RBFOX1: variants seen among roughly 807,000 people sequenced by gnomAD.
RBFOX1 encodes the protein RNA binding protein fox-1 homolog 1.
In RBFOX1, 8 loss-of-function variants were observed where a neutral mutation model predicts 57.7. The observed-to-expected ratio is 0.14, with a 90% CI of 0.08 to 0.25. The LOEUF (loss-of-function observed/expected upper bound fraction) is 0.25. Among genes scored for constraint, RBFOX1 ranks in the 10% least tolerant of loss-of-function variants. The pLI is 1.00. For missense variants in RBFOX1, 611 were observed against 548.5 expected, an observed-to-expected ratio of 1.11 and a Z score of -1.14; for synonymous variants, 326 against 222.4, an observed-to-expected ratio of 1.47 and a Z score of -4.15.
chr16:6,869,040 A>G (rs960956392), intron 3 of RBFOX1, among the ~76,000 whole-genome samples: 7 of 152,218 alleles, frequency 4.6e-5, no homozygotes, highest in South Asian at 2.1e-4. Context: ...TGTATTGAGC[A>G]CATGGTACGA....
At chr16:5,787,146 T>A (rs914921754) in intron 3 of RBFOX1, among the ~76,000 whole-genome samples, 1 of 152,018 alleles carries the variant, frequency 6.6e-6, no homozygotes, top group Non-Finnish European at 1.5e-5. Context: ...AAAAAAATAA[T>A]AACACAGGAG....
At chr16:6,784,826 A>G (rs1179496690) in intron 3 of RBFOX1, among the ~76,000 whole-genome samples, 10 of 151,944 alleles carry the variant, frequency 6.6e-5, no homozygotes, top group African/African-American at 2.4e-4. Flanking sequence ...CATATATTTC[A>G]TTGTTTTAAG....
intron 4 of RBFOX1, among the ~76,000 whole-genome samples, chr16:6,008,130 G>A (rs941775394): frequency 3.9e-5 from 6 of 152,124 alleles, no homozygotes; most frequent in Non-Finnish European, 8.8e-5. Flanking sequence ...ACTTGAACCT[G>A]GCAGGCAGAG....
chr16:5,660,453 C>T (rs947103930), intron 3 of RBFOX1, among the ~76,000 whole-genome samples: 1 of 152,144 alleles, frequency 6.6e-6, no homozygotes, highest in African/African-American at 2.4e-5. Flanking sequence ...TGTCTCAGAC[C>T]TGTGATTTCG....
intron 1 of RBFOX1, among the ~76,000 whole-genome samples, chr16:6,157,163 A>T (rs1188126667): frequency 6.6e-6 from 1 of 152,042 alleles, no homozygotes; most frequent in African/African-American, 2.4e-5. Flanking sequence ...TAAATTATTT[A>T]TAAAAATTTA....
chr16:6,614,695 T>G (rs2098118285), intron 2 of RBFOX1, among the ~76,000 whole-genome samples: 1 of 152,174 alleles, frequency 6.6e-6, no homozygotes, highest in Non-Finnish European at 1.5e-5. Context: ...TTGGTGTTCC[T>G]CGGCTTATGG....
At chr16:6,342,515 T>A (rs930229743) in intron 2 of RBFOX1, among the ~76,000 whole-genome samples, 2 of 152,088 alleles carry the variant, frequency 1.3e-5, no homozygotes, top group African/African-American at 4.8e-5. Context: ...TTTAAAGATG[T>A]GCACAGCAAC....
intron 3 of RBFOX1, among the ~76,000 whole-genome samples, chr16:5,862,827 A>G (rs1297926708): frequency 6.6e-6 from 1 of 152,216 alleles, no homozygotes; most frequent in Non-Finnish European, 1.5e-5. Flanking sequence ...CACGCTGTTC[A>G]GCATGGAAGG....
intron 2 of RBFOX1, among the ~76,000 whole-genome samples, chr16:6,617,823 G>A (rs1467084121): frequency 6.6e-6 from 1 of 152,188 alleles, no homozygotes; most frequent in East Asian, 1.9e-4. Context: ...AGGAAGATTA[G>A]AGAATTCCTC....
intron 2 of RBFOX1, among the ~76,000 whole-genome samples, chr16:6,363,062 A>T (rs2088890027): frequency 6.6e-6 from 1 of 152,234 alleles, no homozygotes; most frequent in Non-Finnish European, 1.5e-5. Context: ...AAATGATCTA[A>T]TGCAAACTTG....
chr16:7,692,849 C>G (rs1483875166), intron 14 of RBFOX1, among the ~76,000 whole-genome samples: 4 of 151,876 alleles, frequency 2.6e-5, no homozygotes, highest in Non-Finnish European at 5.9e-5. Context: ...TAACACATCA[C>G]CATATAAAAT....
intron 9 of RBFOX1, among the ~76,000 whole-genome samples, chr16:7,606,980 T>C (rs1479393451): frequency 1.3e-5 from 2 of 152,182 alleles, no homozygotes; most frequent in East Asian, 1.9e-4. Context: ...AAAATTATTA[T>C]AGTAGTTCTA....
intron 1 of RBFOX1, among the ~76,000 whole-genome samples, chr16:6,087,884 C>T (rs2096112086): frequency 6.6e-6 from 1 of 152,298 alleles, no homozygotes. Flanking sequence ...ATCTCTTGAC[C>T]TTGTGATCCA....
intron 2 of RBFOX1, among the ~76,000 whole-genome samples, chr16:6,428,652 A>G (rs2093995295): frequency 6.6e-6 from 1 of 152,188 alleles, no homozygotes; most frequent in East Asian, 1.9e-4. Flanking sequence ...CATCACCATC[A>G]TTGCTGTTAC....
chr16:5,822,404 A>G (rs2055888152), intron 3 of RBFOX1, among the ~76,000 whole-genome samples: 1 of 152,200 alleles, frequency 6.6e-6, no homozygotes, highest in South Asian at 2.1e-4. Flanking sequence ...GTAACCAAAT[A>G]CCACCTGTAC....
At chr16:6,001,596 C>A (rs934127249) in intron 4 of RBFOX1, among the ~76,000 whole-genome samples, 2 of 152,108 alleles carry the variant, frequency 1.3e-5, no homozygotes, top group African/African-American at 4.8e-5. Context: ...ATTTTAGATA[C>A]TACAGAGACA....
At chr16:6,343,917 C>A (rs1177106101) in intron 2 of RBFOX1, among the ~76,000 whole-genome samples, 2 of 152,148 alleles carry the variant, frequency 1.3e-5, no homozygotes, top group African/African-American at 4.8e-5. Context: ...ATGTAAATTG[C>A]TTGAGGTTTT....
chr16:5,655,681 A>T (rs935910694), intron 3 of RBFOX1, among the ~76,000 whole-genome samples: 1 of 152,118 alleles, frequency 6.6e-6, no homozygotes, highest in East Asian at 1.9e-4. Flanking sequence ...GTGCATTTGT[A>T]CCTCTTTCTC....
At chr16:6,574,069 A>G (rs1314169410) in intron 2 of RBFOX1, among the ~76,000 whole-genome samples, 1 of 152,156 alleles carries the variant, frequency 6.6e-6, no homozygotes, top group African/African-American at 2.4e-5. Context: ...TCCCCTTTCA[A>G]GAATGTTTAA....
Sources: gnomAD v4.1 joint callset for allele counts (sites outside exome capture counted in the v4.1 genomes callset) on GRCh38, gnomAD v4.1.1 for gene constraint, MANE v1.5 for transcripts, NCBI Gene and HGNC (gene_info 2026-07-23, HGNC 2026-07-21) for gene names.